SHPRH: variants seen among roughly 807,000 people sequenced by gnomAD.
The protein encoded by SHPRH is SNF2 histone linker PHD RING helicase.
In SHPRH, 106 loss-of-function variants were observed where a neutral mutation model predicts 202.5. The ratio of observed to expected loss-of-function variants is 0.52; its 90% CI spans 0.45 to 0.62. The LOEUF is 0.62. Among genes scored for constraint, SHPRH ranks in the 20% least tolerant of loss-of-function variants. SHPRH has a pLI of 0.00. For missense variants in SHPRH, 1,710 were observed against 2,020.0 expected, an observed-to-expected ratio of 0.85 and a Z score of 2.94; for synonymous variants, 729 against 686.0, an observed-to-expected ratio of 1.06 and a Z score of -0.98.
At chr6:145,932,132 T>C (rs937337982) in intron 14 of SHPRH, among the ~76,000 whole-genome samples, 7 of 152,172 alleles carry the variant, frequency 4.6e-5, no homozygotes, top group African/African-American at 4.8e-5. Context: ...AGAAGTTTGA[T>C]TGCATGTTTT....
chr6:145,925,302 T>G (rs1228938614), intron 16 of SHPRH, among the ~76,000 whole-genome samples: 1 of 151,024 alleles, frequency 6.6e-6, no homozygotes, highest in African/African-American at 2.4e-5. Flanking sequence ...AAAATTCATA[T>G]GCTGAAGCCC....
chr6:145,874,065 G>A (rs1224469728), intron 2 of SHPRH, among the ~76,000 whole-genome samples: 1 of 152,046 alleles, frequency 6.6e-6, no homozygotes, highest in East Asian at 1.9e-4. Flanking sequence ...GCGCATGGTG[G>A]AGCAAGCCTG....
intron 11 of SHPRH, 141 bp downstream of exon 11, chr6:145,940,582 G>A (rs747004557): frequency 2.4e-4 from 180 of 749,704 alleles, no homozygotes; most frequent in Non-Finnish European, 3.7e-4. Context: ...ATAAATGCTT[G>A]AAACTATTAG....
chr6:145,937,387 T>C (rs1223297189), intron 11 of SHPRH, among the ~76,000 whole-genome samples: 1 of 152,182 alleles, frequency 6.6e-6, no homozygotes, highest in African/African-American at 2.4e-5. Flanking sequence ...TTGTTAATTT[T>C]GCCTTATCCA....
chr6:145,932,944 G>A, intron 14 of SHPRH, 113 bp downstream of exon 14: 1 of 1,199,306 alleles, frequency 8.3e-7, no homozygotes, highest in Non-Finnish European at 1.1e-6. Context: ...GTGTGTGAGA[G>A]TATCTTTTTG....
chr6:145,886,782 G>A lies in SHPRH; in HGVS notation c.4961C>T (p.Thr1654Met), dbSNP rs376754399. The A allele has an allele frequency of 5.0e-6, 8 of 1,612,686 alleles. No homozygotes were observed. The highest frequency in any genetic ancestry group is 1.6e-4 in the Middle Eastern group (1 of 6,074). ...CTCTGAATGCTTTGCTGATGAGTTC[G>A]TGTGACTGCAAGGTTTCCCAAATGA... ...AMLKTAERSH[T>M]NSSAKHSEAS... The change falls in exon 30 of 30, where the codon ACG (threonine) becomes ATG (methionine). Residue 1654 changes from threonine (T) to methionine (M), a missense_variant. Transcript: ENST00000275233.
At chr6:145,874,836 C>G (rs554423163) in intron 2 of SHPRH, among the ~76,000 whole-genome samples, 43 of 152,232 alleles carry the variant, frequency 2.8e-4, no homozygotes, top group Non-Finnish European at 4.7e-4. Context: ...TTATGGTCAT[C>G]AAAACTTAGT....
At chr6:145,874,124 G>C (rs1780189505) in intron 2 of SHPRH, among the ~76,000 whole-genome samples, 1 of 152,026 alleles carries the variant, frequency 6.6e-6, no homozygotes, top group African/African-American at 2.4e-5. Context: ...CTTGAATTCA[G>C]GAAGAGGAGG....
chr6:145,896,971 T>C (rs1302282426), intron 25 of SHPRH, among the ~76,000 whole-genome samples: 1 of 151,716 alleles, frequency 6.6e-6, no homozygotes, highest in Non-Finnish European at 1.5e-5. Flanking sequence ...AAACAACTAA[T>C]GTTGCACCAC....
intron 2 of SHPRH, among the ~76,000 whole-genome samples, chr6:145,873,717 G>GAGGT (rs1271845117): frequency 7.3e-6 from 1 of 137,848 alleles, no homozygotes; most frequent in East Asian, 2.1e-4. Context: ...GGAAGGAAGG[G>GAGGT]AGGGAGGGAG....
At chr6:145,877,090 G>A (rs1780337741) in intron 2 of SHPRH, 1 of 152,086 alleles carries the variant, frequency 6.6e-6, no homozygotes, top group Non-Finnish European at 1.5e-5. Flanking sequence ...AGAAATGTTG[G>A]GTCATGTGGT....
In SHPRH at chr6:145,952,426, T is replaced by C; in HGVS notation, c.686A>G (p.Asp229Gly). 1 of 1,610,746 alleles carries C rather than the reference T, an allele frequency of 6.2e-7. No individual in the cohort carries two copies. Among genetic ancestry groups the C allele is most frequent in the Non-Finnish European group, 8.5e-7 (1 of 1,178,154 alleles). Reference protein sequence around the residue: ...AGLAKLDFLSDANSRMKKFNQ... With the variant: ...AGLAKLDFLSGANSRMKKFNQ... ...GAACTTTTTCATTCTTGAATTTGCA[T>C]CACTCAAGAAGTCTAGTTTTGCTAG... is the stretch of plus-strand genomic sequence containing the variant. Residue 229 changes from aspartate to glycine, a missense_variant, in exon 3 of 30, where the codon GAT (aspartate) becomes GGT (glycine). Asp to Gly is a moderately conservative substitution (Grantham distance 94). Around this residue, in one of 8 missense-constraint regions of SHPRH, gnomAD observed 459 missense variants for 426.5 expected, o/e 1.08. Transcript: ENST00000275233.
chr6:145,942,011 T>C (rs980515353), intron 9 of SHPRH, 137 bp from the exon 10 acceptor site: 4 of 1,017,302 alleles, frequency 3.9e-6, no homozygotes, highest in Non-Finnish European at 4.2e-6. Flanking sequence ...CCCATACCTG[T>C]TTGGAGAAAG....
chr6:145,957,989 TA>T (rs1378761216), intron 1 of SHPRH, among the ~76,000 whole-genome samples: 1 of 152,136 alleles, frequency 6.6e-6, no homozygotes, highest in Non-Finnish European at 1.5e-5. Context: ...TATTCTGTGA[TA>T]AAAAGAGACT....
At chr6:145,869,522 A>G (rs902616774) in intron 2 of SHPRH, among the ~76,000 whole-genome samples, 4 of 152,208 alleles carry the variant, frequency 2.6e-5, no homozygotes, top group Non-Finnish European at 5.9e-5. Flanking sequence ...TGTGAAGGGT[A>G]TAGATCCAGT....
At chr6:145,954,571 T>C in intron 2 of SHPRH, 119 bp downstream of exon 2, 2 of 1,073,992 alleles carry the variant, frequency 1.9e-6, no homozygotes, top group Non-Finnish European at 2.7e-6. Flanking sequence ...AAAGTGTACT[T>C]TGAAACTTAA....
At chr6:145,929,305 T>A (rs1272386846) in intron 14 of SHPRH, among the ~76,000 whole-genome samples, 1 of 151,972 alleles carries the variant, frequency 6.6e-6, no homozygotes, top group African/African-American at 2.4e-5. Context: ...CCGAAAATCA[T>A]CTGCAGAAAA....
intron 14 of SHPRH, 102 bp downstream of exon 14, chr6:145,932,955 G>A: frequency 7.8e-7 from 1 of 1,274,748 alleles, no homozygotes; most frequent in South Asian, 1.5e-5. Flanking sequence ...TATCTTTTTG[G>A]GGGAAAAATC....
intron 2 of SHPRH, among the ~76,000 whole-genome samples, chr6:145,877,314 C>G (rs1396932832): frequency 6.6e-6 from 1 of 152,160 alleles, no homozygotes; most frequent in Admixed American, 6.5e-5. Context: ...GTATCCTTAA[C>G]AAAACTTGTT....
Sources: allele counts gnomAD v4.1 joint callset (sites outside exome capture counted in the v4.1 genomes callset), GRCh38; gene constraint gnomAD v4.1.1; regional missense constraint gnomAD v4.1.1; transcripts MANE v1.5; gene names NCBI Gene and HGNC (gene_info 2026-07-23, HGNC 2026-07-21).